Variants in CAST observed in about 807,000 individuals in gnomAD.
CAST encodes the protein MIR583 host.
In CAST, 76 loss-of-function variants were observed where a neutral mutation model predicts 119.6. The observed-to-expected ratio is 0.64, with a 90% CI of 0.53 to 0.77. CAST has a LOEUF of 0.77. Ranked by LOEUF, CAST falls within the 30% of genes least tolerant of loss-of-function variation. CAST has a pLI of 0.00. For missense variants in CAST, 953 were observed against 946.5 expected (o/e 1.01, Z -0.09); for synonymous variants, 319 against 331.6 (o/e 0.96, Z 0.41).
the CAST span, among the ~76,000 whole-genome samples, chr5:96,339,679 T>C: frequency 1.9e-3 from 289 of 152,296 alleles, 1 homozygote; most frequent in South Asian, 4.4e-3. Flanking sequence ...CAAATATCCT[T>C]GTTAAATGCA....
the CAST span, among the ~76,000 whole-genome samples, chr5:96,049,687 T>A: frequency 6.6e-6 from 1 of 151,880 alleles, no homozygotes; most frequent in Admixed American, 6.6e-5. Context: ...ATGAGCTCAG[T>A]GTAGAACTTG....
chr5:96,590,629 C>T (rs922050602), intron 1 of CAST, among the ~76,000 whole-genome samples: 3 of 152,074 alleles, frequency 2.0e-5, no homozygotes, highest in Non-Finnish European at 2.9e-5. Flanking sequence ...TTTGATGGGA[C>T]GAACCAGAGG....
At chr5:96,714,213 C>T (rs781711418) in intron 3 of CAST, among the ~76,000 whole-genome samples, 3 of 152,118 alleles carry the variant, frequency 2.0e-5, no homozygotes, top group Admixed American at 6.5e-5. Flanking sequence ...AAAAACCTCA[C>T]ATTTGGAAGG....
chr5:96,129,866 G>A, the CAST span, among the ~76,000 whole-genome samples: 21 of 118,704 alleles, frequency 1.8e-4, no homozygotes, highest in African/African-American at 6.2e-4. Flanking sequence ...AATTATAATA[G>A]CATTGCCTTG....
chr5:96,515,315 T>A, the CAST span, among the ~76,000 whole-genome samples: 6 of 77,180 alleles, frequency 7.8e-5, no homozygotes, highest in African/African-American at 3.1e-4. Flanking sequence ...TGATTGTTTG[T>A]TTGTTTGTTT....
chr5:96,710,605 C>T (rs1755924581), intron 3 of CAST, among the ~76,000 whole-genome samples: 1 of 152,108 alleles, frequency 6.6e-6, no homozygotes, highest in Non-Finnish European at 1.5e-5. Flanking sequence ...AATGCTTGGC[C>T]AGTTACATTG....
the CAST span, among the ~76,000 whole-genome samples, chr5:96,240,591 T>G: frequency 6.6e-6 from 1 of 152,072 alleles, no homozygotes; most frequent in Non-Finnish European, 1.5e-5. Context: ...AGAGATAGGC[T>G]CTTGATCTGT....
At chr5:96,335,779 G>A in the CAST span, among the ~76,000 whole-genome samples, 4 of 152,096 alleles carry the variant, frequency 2.6e-5, no homozygotes, top group African/African-American at 7.2e-5. Context: ...ACCTCTATTT[G>A]TTCTGTTACC....
At chr5:96,342,318 G>A in the CAST span, among the ~76,000 whole-genome samples, 1 of 152,224 alleles carries the variant, frequency 6.6e-6, no homozygotes, top group Admixed American at 6.5e-5. Flanking sequence ...GGGTGTTTTT[G>A]AGGCAGTGGT....
chr5:96,636,933 G>T (rs1009197985), intron 1 of CAST, among the ~76,000 whole-genome samples: 2 of 151,616 alleles, frequency 1.3e-5, no homozygotes, highest in South Asian at 2.1e-4. Context: ...ATGCGGTGTT[G>T]GGGGAGGTGG....
At chr5:96,410,974 TC>T in the CAST span, 2 of 1,612,228 alleles carry the variant, frequency 1.2e-6, no homozygotes, top group Non-Finnish European at 1.7e-6. Context: ...ATGGACCCCT[TC>T]CCCTGTCTCC....
chr5:96,283,932 C>T, the CAST span, among the ~76,000 whole-genome samples: 2 of 152,038 alleles, frequency 1.3e-5, no homozygotes, highest in Non-Finnish European at 2.9e-5. Flanking sequence ...TATCAGAATC[C>T]CCCCACCCCT....
chr5:96,366,247 G>C, the CAST span, among the ~76,000 whole-genome samples: 4,266 of 152,146 alleles, frequency 0.028, 223 homozygotes, highest in African/African-American at 0.099. Flanking sequence ...CTTTCTCTCT[G>C]GCTGCGCTTA....
intron 24 of CAST, chr5:96,760,820 T>G (rs1767672665): frequency 6.6e-6 from 1 of 151,938 alleles, no homozygotes. Flanking sequence ...TCATTTTATG[T>G]GTTAATTTTT....
the CAST span, chr5:96,416,014 G>A: frequency 6.7e-7 from 1 of 1,497,906 alleles, no homozygotes; most frequent in Non-Finnish European, 9.3e-7. Context: ...CAAGCTATAG[G>A]GACAATCCTC....
At chr5:96,562,371 A>G (rs572630226) in intron 1 of CAST, among the ~76,000 whole-genome samples, 10 of 152,194 alleles carry the variant, frequency 6.6e-5, no homozygotes, top group Admixed American at 2.0e-4. Flanking sequence ...TCTTTAATGT[A>G]TGAAAAAAAT....
chr5:96,662,487 G>A lies in CAST; in HGVS notation c.65G>A (p.Arg22His), dbSNP rs1420248383. ...CCCCGGCGAGCAGCCGCCGCCCGCC[G>A]CACCCATGAGGTGAGTGGCGCTCCT... ...PRPRRAAAAR[R>H]THEHVSEKTS... Residue 22 changes from arginine to histidine, a missense_variant, in exon 1 of 32, where the codon CGC becomes CAC. Coordinates refer to ENST00000675179, the MANE Select transcript of CAST (RefSeq NM_001750.7). 7.7e-6 allele frequency: 11 copies of A among 1,432,752 alleles called. No individual in the cohort carries two copies. The highest frequency in any genetic ancestry group is 1.5e-5 in the African/African-American group (1 of 67,232). The allele number at this position is 1,432,752 out of a possible 1,614,324, so 88.8% of individuals were successfully genotyped here. A position where few individuals can be genotyped will look rare whatever the true frequency, so the allele number is the denominator to read the frequency against.
At chr5:96,406,676 G>T in the CAST span, among the ~76,000 whole-genome samples, 1 of 152,224 alleles carries the variant, frequency 6.6e-6, no homozygotes, top group Admixed American at 6.5e-5. Context: ...TCATGGCAAA[G>T]GCCAAGATAT....
chr5:96,111,153 C>G, the CAST span: 1 of 152,178 alleles, frequency 6.6e-6, no homozygotes, highest in Non-Finnish European at 1.5e-5. Flanking sequence ...TTTGCTATAA[C>G]CACTCACAGA....
Sources: gnomAD v4.1 joint callset for allele counts (sites outside exome capture counted in the v4.1 genomes callset) on GRCh38, gnomAD v4.1.1 for gene constraint, MANE v1.5 for transcripts, NCBI Gene and HGNC (gene_info 2026-07-23, HGNC 2026-07-21) for gene names.